The following FAM53B variants were observed in gnomAD, a reference collection of about 807,000 sequenced individuals.
FAM53B encodes the protein protein FAM53B.
A neutral mutation model predicts 32.7 loss-of-function variants in FAM53B; 12 were observed. The observed-to-expected ratio is 0.37, with a 90% CI of 0.24 to 0.59. The LOEUF is 0.59. FAM53B is among the 20% of genes least tolerant of loss of function. The pLI, the probability that FAM53B is intolerant of heterozygous loss-of-function variation, is 0.72. For missense variants in FAM53B, 477 were observed against 577.7 expected, an observed-to-expected ratio of 0.83 and a Z score of 1.79; for synonymous variants, 234 against 228.7, an observed-to-expected ratio of 1.02 and a Z score of -0.21.
intron 1 of FAM53B, among the ~76,000 whole-genome samples, chr10:124,718,657 G>A (rs1483582463): frequency 6.6e-6 from 1 of 152,258 alleles, no homozygotes. Flanking sequence ...AATGGCGGGG[G>A]AGCCGCTGCA....
At chr10:124,737,347 C>T (rs1023820613) in intron 1 of FAM53B, among the ~76,000 whole-genome samples, 1 of 152,156 alleles carries the variant, frequency 6.6e-6, no homozygotes, top group Admixed American at 6.5e-5. Context: ...TTTCAGCAAG[C>T]TCACCTTTAC....
rs182763359 is a variant in FAM53B, at chr10:124,627,037, C to T, written c.907-3433G>A. ...CTCCAGTATTCTTCAAATATACCTG[C>T]TTCCTGGCCACAAAGCCAGCGAAAC... is the stretch of plus-strand genomic sequence containing the variant. On this transcript the variant is annotated intron_variant, in intron 4 of 4. Coordinates refer to ENST00000337318, the MANE Select transcript of FAM53B (RefSeq NM_014661.4). Among the ~76,000 whole-genome samples the T allele has an allele frequency of 2.6e-5, 4 of 152,374 alleles. No individual in the cohort carries two copies. The East Asian group carries it at 7.7e-4, about 29-fold the overall frequency.
intron 4 of FAM53B, among the ~76,000 whole-genome samples, chr10:124,628,692 C>T (rs963743666): frequency 7.8e-4 from 119 of 152,234 alleles, no homozygotes; most frequent in Non-Finnish European, 1.5e-3. Context: ...TTCATGGCTG[C>T]CCCTTCCGGA....
At chr10:124,716,920 T>C (rs1232161072) in intron 1 of FAM53B, among the ~76,000 whole-genome samples, 1 of 152,104 alleles carries the variant, frequency 6.6e-6, no homozygotes, top group Non-Finnish European at 1.5e-5. Flanking sequence ...AAAGATAATC[T>C]ACTATCATGT....
chr10:124,698,211 G>A (rs1043567479), intron 2 of FAM53B, among the ~76,000 whole-genome samples: 1 of 152,170 alleles, frequency 6.6e-6, no homozygotes, highest in African/African-American at 2.4e-5. Flanking sequence ...GTGCCTGCCA[G>A]GTGGGAGAAG....
intron 4 of FAM53B, among the ~76,000 whole-genome samples, chr10:124,650,032 G>C (rs571022640): frequency 1.3e-5 from 2 of 152,268 alleles, no homozygotes; most frequent in East Asian, 3.9e-4. Context: ...CCATCTACTA[G>C]ATATTTCTAG....
chr10:124,682,464 T>C lies in FAM53B; in HGVS notation c.134-85A>G. 1 of 1,222,666 alleles carries C rather than the reference T, an allele frequency of 8.2e-7. No individual in the cohort carries two copies. Among genetic ancestry groups the C allele is most frequent in the Non-Finnish European group, 1.1e-6 (1 of 885,534 alleles). 75.7% of individuals were successfully genotyped at this position (1,222,666 alleles called of 1,614,324 possible). A position where few individuals can be genotyped will look rare whatever the true frequency, so the allele number is the denominator to read the frequency against. ...ATTATCTCCACACCAACAGCCCGTT[T>C]CAAACACAGTATCTTAGAGCCAAAA... On this transcript the variant is annotated intron_variant, in intron 3 of 4. Coordinates refer to ENST00000337318, the MANE Select transcript of FAM53B (RefSeq NM_014661.4). This position sits in a 1 kb window ranked among gnomAD's most constrained non-coding sequence, Gnocchi z 5.2.
rs545227826 is a variant in FAM53B, at chr10:124,720,084, A to C, written c.-174-13197T>G. Among the ~76,000 whole-genome samples the C allele has an allele frequency of 1.1e-3, 162 of 151,492 alleles. 3 individuals carry two copies. In the South Asian group the frequency reaches 0.032, roughly 30 times the overall value. On this transcript the variant is annotated intron_variant, in intron 1 of 4. Transcript: ENST00000337318. ...AGGCTGAGGCAGGAGAATTGCTTGA[A>C]CCTGGGAGGTGGAGGTTGCAGTGAG... is the stretch of plus-strand genomic sequence containing the variant.
rs1949553402 is a variant in FAM53B, at chr10:124,651,231, T to G, written c.907-27627A>C. On this transcript the variant is annotated intron_variant, in intron 4 of 4. Coordinates refer to ENST00000337318, the MANE Select transcript of FAM53B (RefSeq NM_014661.4). This position sits in a 1 kb window ranked among gnomAD's most constrained non-coding sequence, Gnocchi z 5.2. ...ACCACCTTGCCCTCAGACGCTCTGT[T>G]GTGGCCTTGCTGCTAGCCTTTTCCA... Among the ~76,000 whole-genome samples the G allele has an allele frequency of 6.6e-6, 1 of 152,232 alleles. No individual in the cohort carries two copies. The highest frequency in any genetic ancestry group is 1.5e-5 in the Non-Finnish European group (1 of 68,028).
In FAM53B at chr10:124,706,660, T is replaced by A. The variant is rs139691871; in HGVS notation, c.54A>T (p.Ala18=). 1.2e-6 allele frequency: 2 copies of A among 1,614,164 alleles called. No individual in the cohort carries two copies. Among genetic ancestry groups the A allele is most frequent in the East Asian group, 4.5e-5 (2 of 44,870 alleles). The part of the protein sequence containing the change: ...SLSTRGADSI[A]CGTFSRELHT... ...CCAGTTCACGGCTGAAGGTCCCACA[T>A]GCAATGGAGTCAGCTCCCCGGGTGC... Residue 18 remains alanine (A), a synonymous_variant, in exon 2 of 5, where the codon GCA becomes GCT. Transcript: ENST00000337318.
In FAM53B at chr10:124,636,289, AT is replaced by A. The variant is rs548021129; in HGVS notation, c.907-12686del. Among the ~76,000 whole-genome samples the A allele has an allele frequency of 3.2e-3, 473 of 148,626 alleles. 3 individuals are homozygous for A. The highest frequency in any genetic ancestry group is 9.9e-3 in the African/African-American group (403 of 40,788). On this transcript the variant is annotated intron_variant, in intron 4 of 4. Coordinates refer to ENST00000337318, the MANE Select transcript of FAM53B (RefSeq NM_014661.4). ...TTATTGGTAGCAACAAAGCGTATGAATTTTTTTTTTTAACGGCACTTTGCAA... is the reference window on the plus strand; with the variant it reads ...TTATTGGTAGCAACAAAGCGTATGAATTTTTTTTTTAACGGCACTTTGCAA...
At chr10:124,736,335 G>A (rs1384108581) in intron 1 of FAM53B, among the ~76,000 whole-genome samples, 2 of 152,246 alleles carry the variant, frequency 1.3e-5, no homozygotes, top group Non-Finnish European at 2.9e-5. Flanking sequence ...CGGTTCCTAC[G>A]GCCCGGTCCC....
At chr10:124,686,601 T>C (rs1949804536) in intron 3 of FAM53B, among the ~76,000 whole-genome samples, 1 of 152,216 alleles carries the variant, frequency 6.6e-6, no homozygotes, top group South Asian at 2.1e-4. Context: ...AGCACGTATG[T>C]ACCTGAACTT....
Position 124,723,351 on chromosome 10 carries a change from G to A in FAM53B, c.-174-16464C>T, listed in dbSNP as rs530862875. ...TCTGTCTTGCTTGCAGGGGGTTTCC[G>A]ATAGCTATCAAAATGTTGTTAACAC... On this transcript the variant is annotated intron_variant, in intron 1 of 4. Transcript: ENST00000337318. Among the ~76,000 whole-genome samples, 4 of 152,304 alleles carry A rather than the reference G, an allele frequency of 2.6e-5. No individual in the cohort carries two copies. The South Asian group carries it at 8.3e-4, about 32-fold the overall frequency.
chr10:124,715,053 A>G (rs1044723119), intron 1 of FAM53B, among the ~76,000 whole-genome samples: 1 of 152,162 alleles, frequency 6.6e-6, no homozygotes, highest in African/African-American at 2.4e-5. Flanking sequence ...TAACCCCTGG[A>G]CCCCACTACT....
At chr10:124,659,749 G>A (rs1001701360) in intron 4 of FAM53B, among the ~76,000 whole-genome samples, 1 of 152,198 alleles carries the variant, frequency 6.6e-6, no homozygotes, top group African/African-American at 2.4e-5. Context: ...TCCACCTAAG[G>A]GGCCAGAAGA....
At position 124,708,159 on chromosome 10, in the gene FAM53B, C is replaced by T. The variant is rs74160951; in HGVS notation, c.-174-1272G>A. Among the ~76,000 whole-genome samples the T allele has an allele frequency of 6.5e-3, 989 of 152,298 alleles. 17 individuals are homozygous for T. Among genetic ancestry groups the T allele is most frequent in the African/African-American group, 0.023 (949 of 41,564 alleles). Reference sequence around the variant, plus strand: ...AGAAAAGCAGCTTCCAATCTGTAATCAGAAACAAACTGCTCAACACAGGAA... The same window carrying T: ...AGAAAAGCAGCTTCCAATCTGTAATTAGAAACAAACTGCTCAACACAGGAA... On this transcript the variant is annotated intron_variant, in intron 1 of 4. Transcript: ENST00000337318.
At chr10:124,639,996 G>A (rs1382753702) in intron 4 of FAM53B, among the ~76,000 whole-genome samples, 3 of 151,712 alleles carry the variant, frequency 2.0e-5, no homozygotes, top group Admixed American at 6.6e-5. Context: ...TAACCACCAC[G>A]CTGCACCTCA....
intron 4 of FAM53B, among the ~76,000 whole-genome samples, chr10:124,655,562 G>A (rs1028295349): frequency 8.5e-5 from 13 of 152,134 alleles, no homozygotes; most frequent in South Asian, 2.1e-4. Flanking sequence ...TGGGGTGAGC[G>A]TGGCCACTCC....
Sources: gnomAD v4.1 joint callset for allele counts (sites outside exome capture counted in the v4.1 genomes callset) on GRCh38, gnomAD v4.1.1 for gene constraint, Gnocchi (gnomAD v3.1) non-coding constraint, MANE v1.5 for transcripts, NCBI Gene and HGNC (gene_info 2026-07-23, HGNC 2026-07-21) for gene names.